The following TIAM2 variants were observed in gnomAD, a reference collection of about 807,000 sequenced individuals.
The protein encoded by TIAM2 is TIAM Rac1 associated GEF 2, also known as rho guanine nucleotide exchange factor TIAM2.
TIAM2 carries 80 observed loss-of-function variants against 152.9 expected under a neutral mutation model. The ratio of observed to expected loss-of-function variants is 0.52; its 90% CI spans 0.44 to 0.63. TIAM2 has a LOEUF of 0.63. Among genes scored for constraint, TIAM2 ranks in the 30% least tolerant of loss-of-function variants. The pLI is 0.00. For synonymous variants in TIAM2, 804 were observed against 838.0 expected, an observed-to-expected ratio of 0.96 and a Z score of 0.70; for missense variants, 1,965 against 2,120.1, an observed-to-expected ratio of 0.93 and a Z score of 1.44.
chr6:155,072,597 C>T (rs978580113), intron 1 of TIAM2, among the ~76,000 whole-genome samples: 3 of 151,960 alleles, frequency 2.0e-5, no homozygotes, highest in East Asian at 1.9e-4. Context: ...AAAAGAATAA[C>T]GAGTTTGGGT....
At chr6:155,226,611 G>A (rs985758801) in intron 15 of TIAM2, among the ~76,000 whole-genome samples, 1 of 149,928 alleles carries the variant, frequency 6.7e-6, no homozygotes, top group Non-Finnish European at 1.5e-5. Context: ...GTTGCAGTGA[G>A]CAGAGATCGT....
intron 1 of TIAM2, among the ~76,000 whole-genome samples, chr6:155,040,134 C>A (rs546293814): frequency 2.6e-4 from 40 of 152,250 alleles, no homozygotes; most frequent in Non-Finnish European, 5.3e-4. Flanking sequence ...TTAATTAGGA[C>A]CTTGAGGTAT....
intron 15 of TIAM2, among the ~76,000 whole-genome samples, chr6:155,234,668 G>A (rs1410639419): frequency 6.6e-6 from 1 of 152,168 alleles, no homozygotes; most frequent in Non-Finnish European, 1.5e-5. Flanking sequence ...TTCTCCTAAA[G>A]TGTTGGGATT....
At chr6:155,228,732 G>A (rs1247613715) in intron 15 of TIAM2, among the ~76,000 whole-genome samples, 1 of 151,986 alleles carries the variant, frequency 6.6e-6, no homozygotes, top group Non-Finnish European at 1.5e-5. Flanking sequence ...CCTGAATTCC[G>A]ACCAAACTCC....
At chr6:155,194,328 G>C (rs1181675691) in intron 14 of TIAM2, among the ~76,000 whole-genome samples, 1 of 152,174 alleles carries the variant, frequency 6.6e-6, no homozygotes, top group Non-Finnish European at 1.5e-5. Context: ...ACGGAGCTGC[G>C]AGCAGCCTGG....
At position 155,257,312 on chromosome 6, in the gene TIAM2, C is replaced by G; in HGVS notation, c.*191C>G. On this transcript the variant is annotated 3_prime_UTR_variant, in exon 27 of 27. Transcript: ENST00000682666. ...TTGTGGATCAGAAACCTAGATGAAACTGGTCAGAATCTGTAAATTACTTAG... is the reference window on the plus strand; with the variant it reads ...TTGTGGATCAGAAACCTAGATGAAAGTGGTCAGAATCTGTAAATTACTTAG... 12 of 647,852 alleles carry G rather than the reference C, an allele frequency of 1.9e-5. No homozygotes were observed. The highest frequency in any genetic ancestry group is 3.1e-5 in the Non-Finnish European group (12 of 392,290). The allele number at this position is 647,852 out of a possible 1,614,324, so 40.1% of individuals were successfully genotyped here.
At chr6:155,188,845 T>A (rs947994616) in intron 14 of TIAM2, among the ~76,000 whole-genome samples, 1 of 152,194 alleles carries the variant, frequency 6.6e-6, no homozygotes, top group Non-Finnish European at 1.5e-5. Context: ...CCTACCTTGT[T>A]AGGATTGGAG....
chr6:154,999,336 G>C (rs868138720), intron 1 of TIAM2, among the ~76,000 whole-genome samples: 1 of 151,686 alleles, frequency 6.6e-6, no homozygotes, highest in South Asian at 2.1e-4. Context: ...TCAGCCTCCC[G>C]AGTAGCTGGG....
intron 4 of TIAM2, among the ~76,000 whole-genome samples, chr6:155,131,095 C>T (rs1437754612): frequency 1.3e-5 from 2 of 152,262 alleles, no homozygotes; most frequent in African/African-American, 4.8e-5. Context: ...TGTGGCAGCT[C>T]ATGCCTGTCA....
At chr6:155,098,599 T>C (rs986326514) in intron 2 of TIAM2, among the ~76,000 whole-genome samples, 1 of 152,344 alleles carries the variant, frequency 6.6e-6, no homozygotes, top group East Asian at 1.9e-4. Context: ...TTTCTAAATA[T>C]AAAACCATGT....
chr6:155,107,085 A>G (rs1583193416), intron 2 of TIAM2, among the ~76,000 whole-genome samples: 1 of 152,168 alleles, frequency 6.6e-6, no homozygotes, highest in Non-Finnish European at 1.5e-5. Flanking sequence ...ATGTGTATAT[A>G]GACTCTAGCT....
intron 15 of TIAM2, among the ~76,000 whole-genome samples, chr6:155,219,673 T>C (rs1781975641): frequency 6.6e-6 from 1 of 152,228 alleles, no homozygotes; most frequent in Non-Finnish European, 1.5e-5. Context: ...TGCCCTGCTC[T>C]TCTTGGTCTA....
At chr6:155,247,856 A>T (rs1783424634) in intron 19 of TIAM2, 144 bp from the exon 20 acceptor site, 2 of 1,042,092 alleles carry the variant, frequency 1.9e-6, no homozygotes, top group African/African-American at 1.6e-5. Context: ...TGGGTGCCTG[A>T]CCCACTGATG....
At chr6:155,050,005 G>T (rs1451153237) in intron 1 of TIAM2, among the ~76,000 whole-genome samples, 1 of 152,182 alleles carries the variant, frequency 6.6e-6, no homozygotes, top group Non-Finnish European at 1.5e-5. Context: ...TTTAGGTTCA[G>T]AGTAAGTGAG....
intron 1 of TIAM2, among the ~76,000 whole-genome samples, chr6:155,035,463 CA>C (rs1776905593): frequency 6.6e-6 from 1 of 152,022 alleles, no homozygotes; most frequent in African/African-American, 2.4e-5. Flanking sequence ...TCAGACGATC[CA>C]CCCGTTTTAG....
rs1335192501 is a variant in TIAM2, at chr6:155,176,706, G to T, written c.2362-110G>T. The T allele has an allele frequency of 6.1e-6, 7 of 1,151,508 alleles. No homozygotes were observed. In the East Asian group the frequency reaches 1.2e-4, roughly 20 times the overall value. 71.3% of individuals were successfully genotyped at this position (1,151,508 alleles called of 1,614,324 possible). On this transcript the variant is annotated intron_variant, in intron 9 of 26. Coordinates refer to ENST00000682666, the MANE Select transcript of TIAM2 (RefSeq NM_012454.4). ...CTGTGAGAAGCCAGTGATGTGAAGC[G>T]TGTGAGCGTTTACTCTAAATACTCC...
intron 2 of TIAM2, among the ~76,000 whole-genome samples, chr6:155,096,087 G>C (rs1038321483): frequency 1.3e-5 from 2 of 152,102 alleles, no homozygotes; most frequent in Non-Finnish European, 2.9e-5. Context: ...TCTTTGTAAA[G>C]CATTTTATTT....
At chr6:155,177,380 C>T (rs963394884) in intron 10 of TIAM2, among the ~76,000 whole-genome samples, 8 of 152,150 alleles carry the variant, frequency 5.3e-5, no homozygotes, top group East Asian at 1.9e-4. Context: ...AGATTAAACA[C>T]GAAACTTGAT....
intron 19 of TIAM2, among the ~76,000 whole-genome samples, chr6:155,246,559 CTCCTGGCCTCAAGT>C (rs891096064): frequency 1.3e-5 from 2 of 152,162 alleles, no homozygotes; most frequent in Admixed American, 6.5e-5. Context: ...TGGTCTCAAG[CTCCTGGCCTCAAGT>C]GATCCTCCTA....
Sources: allele counts gnomAD v4.1 joint callset (sites outside exome capture counted in the v4.1 genomes callset), GRCh38; gene constraint gnomAD v4.1.1; transcripts MANE v1.5; gene names NCBI Gene and HGNC (gene_info 2026-07-23, HGNC 2026-07-21).